Variants in HYDIN observed in about 807,000 individuals in gnomAD.
The protein encoded by HYDIN is axonemal central pair apparatus protein HYDIN.
Under a neutral mutation model 403.9 loss-of-function variants are expected in HYDIN, and 132 were observed. That is an observed-to-expected ratio of 0.33 (90% CI 0.28 to 0.38). HYDIN has a LOEUF of 0.38. HYDIN is among the 10% of genes least tolerant of loss of function. HYDIN has a pLI of 1.00. For missense variants in HYDIN, 2,827 were observed against 5,009.5 expected, an observed-to-expected ratio of 0.56 and a Z score of 13.15; for synonymous variants, 1,202 against 1,891.7, an observed-to-expected ratio of 0.64 and a Z score of 9.46.
chr16:70,956,634 A>G (rs1435982639), intron 39 of HYDIN, among the ~76,000 whole-genome samples: 1 of 152,230 alleles, frequency 6.6e-6, no homozygotes, highest in Non-Finnish European at 1.5e-5. Flanking sequence ...GGGAGATGCT[A>G]TGCTGATGGC....
intron 1 of HYDIN, among the ~76,000 whole-genome samples, chr16:71,189,233 C>G (rs2087299461): frequency 1.3e-5 from 2 of 152,012 alleles, no homozygotes; most frequent in African/African-American, 4.8e-5. Flanking sequence ...TGGTTACCTA[C>G]AGAAGGAGTA....
intron 35 of HYDIN, among the ~76,000 whole-genome samples, chr16:70,971,849 C>G (rs887820801): frequency 3.0e-4 from 45 of 151,364 alleles, no homozygotes; most frequent in African/African-American, 1.0e-3. Context: ...TGTTATCATG[C>G]CTAAGAATTG....
chr16:70,951,292 G>C (rs1005558588), intron 41 of HYDIN, among the ~76,000 whole-genome samples: 4 of 151,704 alleles, frequency 2.6e-5, no homozygotes, highest in South Asian at 2.1e-4. Flanking sequence ...GAGAGAGGGA[G>C]AGAGAGAGAG....
intron 23 of HYDIN, among the ~76,000 whole-genome samples, chr16:71,000,933 T>C (rs1183399615): frequency 1.3e-5 from 2 of 152,126 alleles, no homozygotes; most frequent in African/African-American, 2.4e-5. Context: ...AGCGCGGACA[T>C]TGATTATGCT....
In HYDIN at chr16:71,184,867, T is replaced by G. The variant is rs2087069926; in HGVS notation, c.259A>C (p.Lys87Gln). The G allele has an allele frequency of 6.2e-7, 1 of 1,602,526 alleles. No homozygotes were observed. Among genetic ancestry groups the G allele is most frequent in the Non-Finnish European group, 8.5e-7 (1 of 1,172,696 alleles). Residue 87 changes from lysine to glutamine, a missense_variant and splice_region_variant, in exon 3 of 86, where the codon AAG becomes CAG. Lys to Gln is a moderately conservative substitution (Grantham distance 53). Coordinates refer to ENST00000393567, the MANE Select transcript of HYDIN (RefSeq NM_001270974.2). Reference protein sequence around the residue: ...LLDMGETTHQKFSGIDLDQAL... With the variant: ...LLDMGETTHQQFSGIDLDQAL... The stretch of plus-strand genomic sequence containing the variant: ...TAAGTACGACAGAGAGCAGCTACCT[T>G]CTGATGTGTTGTTTCCCCCATATCT...
At chr16:70,933,653 A>C (rs928339244) in intron 45 of HYDIN, 3 of 154,612 alleles carry the variant, frequency 1.9e-5, no homozygotes, top group Non-Finnish European at 4.4e-5. Context: ...TGGAGACTGG[A>C]GGTAGATGGT....
chr16:70,893,148 G>A (rs2143724483), intron 55 of HYDIN, among the ~76,000 whole-genome samples: 1 of 152,340 alleles, frequency 6.6e-6, no homozygotes, highest in East Asian at 1.9e-4. Flanking sequence ...CCAATTACCT[G>A]CACCCCTGTG....
chr16:70,947,503 T>A (rs2077911361), intron 41 of HYDIN, among the ~76,000 whole-genome samples: 1 of 151,486 alleles, frequency 6.6e-6, no homozygotes, highest in Non-Finnish European at 1.5e-5. Context: ...AAAATTCTCT[T>A]TTTTGGTTGT....
chr16:71,203,063 G>A (rs1160685783), intron 1 of HYDIN, among the ~76,000 whole-genome samples: 2 of 152,138 alleles, frequency 1.3e-5, no homozygotes, highest in Admixed American at 1.3e-4. Flanking sequence ...TGAATTTAAA[G>A]GTATTGGTAG....
Position 70,923,189 on chromosome 16 carries a change from CA to C in HYDIN, c.7159-1973del, listed in dbSNP as rs1431218423. On this transcript the variant is annotated intron_variant, in intron 45 of 85. Coordinates refer to ENST00000393567, the MANE Select transcript of HYDIN (RefSeq NM_001270974.2). Reference sequence around the variant, plus strand: ...CACAAATAAAGTAGAAAGAAGGGGCCAGGCACGGTGGCTTACAACTGTAATC... The same window carrying C: ...CACAAATAAAGTAGAAAGAAGGGGCCGGCACGGTGGCTTACAACTGTAATC... Among the ~76,000 whole-genome samples the C allele has an allele frequency of 2.9e-5, 4 of 138,406 alleles. No homozygotes were observed. The East Asian group carries it at 9.0e-4, about 31-fold the overall frequency. 90.8% of individuals were successfully genotyped at this position (138,406 alleles called of 152,430 possible).
chr16:71,182,267 T>A (rs1567419349), intron 3 of HYDIN, among the ~76,000 whole-genome samples: 3 of 152,214 alleles, frequency 2.0e-5, no homozygotes, highest in South Asian at 4.1e-4. Context: ...CACTGGATGG[T>A]TTTAAACATG....
chr16:71,165,832 CT>C (rs1256869041), intron 5 of HYDIN, among the ~76,000 whole-genome samples: 2 of 149,406 alleles, frequency 1.3e-5, no homozygotes, highest in Non-Finnish European at 3.0e-5. Flanking sequence ...GGATGGCTGT[CT>C]GGGGGAAGTG....
At chr16:71,040,061 C>T (rs994550910) in intron 18 of HYDIN, among the ~76,000 whole-genome samples, 1 of 151,896 alleles carries the variant, frequency 6.6e-6, no homozygotes, top group African/African-American at 2.4e-5. Context: ...TAGTTTGCTC[C>T]TGCTGGCACC....
intron 35 of HYDIN, among the ~76,000 whole-genome samples, chr16:70,972,754 G>T (rs1214410948): frequency 6.6e-6 from 1 of 152,214 alleles, no homozygotes; most frequent in Non-Finnish European, 1.5e-5. Context: ...AGTAAACACA[G>T]TGCATATACC....
At chr16:70,941,407 T>C (rs1192174449) in intron 43 of HYDIN, 4 of 340,748 alleles carry the variant, frequency 1.2e-5, no homozygotes, top group South Asian at 2.8e-4. Flanking sequence ...ATGGCTGTAA[T>C]TGCAGAAAGG....
intron 83 of HYDIN, among the ~76,000 whole-genome samples, chr16:70,822,883 A>G (rs991591556): frequency 1.4e-5 from 2 of 146,440 alleles, no homozygotes; most frequent in African/African-American, 5.1e-5. Context: ...AGACTACAGT[A>G]CAATGTAAAC....
intron 7 of HYDIN, among the ~76,000 whole-genome samples, chr16:71,137,848 C>G (rs1244783735): frequency 2.0e-5 from 3 of 151,878 alleles, no homozygotes; most frequent in African/African-American, 7.3e-5. Flanking sequence ...AAATAGAAAA[C>G]TGACTACTTA....
chr16:70,886,714 T>C (rs1202121788), intron 58 of HYDIN, among the ~76,000 whole-genome samples: 1 of 152,248 alleles, frequency 6.6e-6, no homozygotes, highest in African/African-American at 2.4e-5. Context: ...AGTTATTGGT[T>C]CTCTACACTT....
At chr16:70,839,839 C>T (rs1338699851) in intron 76 of HYDIN, among the ~76,000 whole-genome samples, 4 of 142,826 alleles carry the variant, frequency 2.8e-5, no homozygotes, top group Non-Finnish European at 4.6e-5. Context: ...TTTGGCATTG[C>T]TCTACATACT....
Sources: gnomAD v4.1 joint callset for allele counts (sites outside exome capture counted in the v4.1 genomes callset) on GRCh38, gnomAD v4.1.1 for gene constraint, MANE v1.5 for transcripts, NCBI Gene and HGNC (gene_info 2026-07-23, HGNC 2026-07-21) for gene names.